Variants in PRDM5 observed in about 807,000 individuals in gnomAD.
PRDM5 encodes the protein PR domain zinc finger protein 5.
PRDM5 carries 56 observed loss-of-function variants against 81.2 expected under a neutral mutation model. The observed-to-expected ratio is 0.69, with a 90% confidence interval of 0.56 to 0.86. The LOEUF (loss-of-function observed/expected upper bound fraction) is 0.86, where lower values mean the gene tolerates loss of function less well. Among genes scored for constraint, PRDM5 ranks in the 40% least tolerant of loss-of-function variants. The pLI is 0.00. For synonymous variants in PRDM5, 267 were observed against 256.4 expected (o/e 1.04, Z -0.39); for missense variants, 697 against 770.1 (o/e 0.91, Z 1.12).
chr4:120,857,755 T>C (rs1427545295), intron 2 of PRDM5, among the ~76,000 whole-genome samples: 4 of 152,202 alleles, frequency 2.6e-5, no homozygotes, highest in African/African-American at 4.8e-5. Flanking sequence ...GGGAGAGAGA[T>C]ACAAATCTTC....
intron 3 of PRDM5, among the ~76,000 whole-genome samples, chr4:120,845,793 T>C (rs1758586491): frequency 6.6e-6 from 1 of 152,188 alleles, no homozygotes. Context: ...GCAAAGTAAA[T>C]TGAAAACCTT....
intron 3 of PRDM5, among the ~76,000 whole-genome samples, chr4:120,847,768 C>T (rs1378260204): frequency 6.6e-6 from 1 of 152,116 alleles, no homozygotes; most frequent in Non-Finnish European, 1.5e-5. Flanking sequence ...AAAAGTCATA[C>T]TCTAATAAAC....
chr4:120,825,413 C>T (rs540813842), intron 3 of PRDM5, among the ~76,000 whole-genome samples: 8 of 152,276 alleles, frequency 5.3e-5, no homozygotes, highest in South Asian at 4.1e-4. Context: ...GATTACAATT[C>T]GTTTGGTCAA....
At chr4:120,874,258 G>T (rs1054782032) in intron 2 of PRDM5, among the ~76,000 whole-genome samples, 1 of 152,036 alleles carries the variant, frequency 6.6e-6, no homozygotes, top group Non-Finnish European at 1.5e-5. Flanking sequence ...TCAAAATCAG[G>T]AACTCCAAAG....
At chr4:120,777,059 AAG>A (rs1748264183) in intron 13 of PRDM5, 127 bp downstream of exon 13, 1 of 1,539,362 alleles carries the variant, frequency 6.5e-7, no homozygotes, top group African/African-American at 1.4e-5. Flanking sequence ...ACAATGCTTT[AAG>A]AGAGAGAAAA....
chr4:120,794,702 C>A (rs190614990), intron 10 of PRDM5, among the ~76,000 whole-genome samples: 25 of 151,952 alleles, frequency 1.6e-4, no homozygotes, highest in South Asian at 1.5e-3. Flanking sequence ...TGGCTCACTG[C>A]AACCTCCACC....
At chr4:120,785,913 A>G (rs1749705921) in intron 10 of PRDM5, among the ~76,000 whole-genome samples, 1 of 152,090 alleles carries the variant, frequency 6.6e-6, no homozygotes, top group Admixed American at 6.6e-5. Flanking sequence ...CAAAACCAAA[A>G]CAAAACAGCA....
intron 3 of PRDM5, chr4:120,839,076 G>A (rs539109460): frequency 3.4e-6 from 2 of 581,626 alleles, no homozygotes; most frequent in South Asian, 2.1e-5. Context: ...CAGAAGCTCG[G>A]AGACACCAGG....
chr4:120,880,302 T>C (rs17051275), intron 2 of PRDM5, among the ~76,000 whole-genome samples: 9,976 of 152,188 alleles, frequency 0.066, 476 homozygotes, highest in Middle Eastern at 0.19. Context: ...TCTCCATAAA[T>C]ATGACCTATA....
intron 3 of PRDM5, chr4:120,839,044 C>T (rs1240320447): frequency 8.8e-6 from 5 of 571,020 alleles, no homozygotes; most frequent in Non-Finnish European, 1.6e-5. Flanking sequence ...CCACAGCTGA[C>T]ACCAGGGAAC....
chr4:120,922,640 A>G lies in PRDM5; in HGVS notation c.-32T>C, dbSNP rs1725118646. On this transcript the variant is annotated 5_prime_UTR_variant, in exon 1 of 16. It removes the in-frame stop codon of an upstream open reading frame in the 5' UTR. Transcript: ENST00000264808. ...GGGCGCGGCGGCCGCCGCCTCTCTCAACACCGGCGCTTAGCGCCCGGCAGG... is the reference window on the plus strand; with the variant it reads ...GGGCGCGGCGGCCGCCGCCTCTCTCGACACCGGCGCTTAGCGCCCGGCAGG... 6.4e-7 allele frequency: 1 copy of G among 1,574,120 alleles called. No homozygotes were observed. Among genetic ancestry groups the G allele is most frequent in the Non-Finnish European group, 8.6e-7 (1 of 1,160,740 alleles).
chr4:120,690,004 C>T (rs1444033200), downstream of PRDM5, among the ~76,000 whole-genome samples: 1 of 152,110 alleles, frequency 6.6e-6, no homozygotes, highest in Non-Finnish European at 1.5e-5. Context: ...AATTAAATGT[C>T]ACATTGCTCC....
At chr4:120,764,120 T>C (rs559592627) in intron 13 of PRDM5, among the ~76,000 whole-genome samples, 38 of 152,230 alleles carry the variant, frequency 2.5e-4, no homozygotes, top group Admixed American at 7.8e-4. Context: ...GCAAGTTTAA[T>C]AGAGGTATGC....
chr4:120,858,792 A>G (rs1430502045), intron 2 of PRDM5, among the ~76,000 whole-genome samples: 1 of 148,948 alleles, frequency 6.7e-6, no homozygotes, highest in East Asian at 2.0e-4. Context: ...AATACATACA[A>G]AGTTAATATA....
At chr4:120,744,722 C>T (rs1280306384) in intron 14 of PRDM5, among the ~76,000 whole-genome samples, 2 of 151,302 alleles carry the variant, frequency 1.3e-5, no homozygotes, top group Admixed American at 1.3e-4. Flanking sequence ...TCTCCCAAGA[C>T]TAAACCAGGA....
At chr4:120,720,042 C>T (rs1313000359) in intron 14 of PRDM5, among the ~76,000 whole-genome samples, 2 of 152,114 alleles carry the variant, frequency 1.3e-5, no homozygotes, top group Admixed American at 6.6e-5. Context: ...GCCACAAAAA[C>T]GCAGACTGGT....
intron 1 of PRDM5, among the ~76,000 whole-genome samples, chr4:120,921,892 G>A (rs1724972933): frequency 6.6e-6 from 1 of 152,098 alleles, no homozygotes; most frequent in Non-Finnish European, 1.5e-5. Flanking sequence ...GAGAAAAAAG[G>A]TATAGACACT....
chr4:120,752,774 CA>C (rs1162445587), intron 14 of PRDM5, among the ~76,000 whole-genome samples: 1 of 152,140 alleles, frequency 6.6e-6, no homozygotes, highest in Non-Finnish European at 1.5e-5. Context: ...GTTTGTGCCT[CA>C]GTTTCTTGTT....
intron 3 of PRDM5, among the ~76,000 whole-genome samples, chr4:120,847,483 C>A (rs1758790397): frequency 6.6e-6 from 1 of 152,102 alleles, no homozygotes; most frequent in Non-Finnish European, 1.5e-5. Context: ...GAATCTCCAG[C>A]CTAATCAAGT....
Sources: gnomAD v4.1 joint callset for allele counts (sites outside exome capture counted in the v4.1 genomes callset) on GRCh38, gnomAD v4.1.1 for gene constraint, MANE v1.5 for transcripts, NCBI Gene and HGNC (gene_info 2026-07-23, HGNC 2026-07-21) for gene names.